FSD2: variants seen among roughly 807,000 people sequenced by gnomAD.
The protein encoded by FSD2 is fibronectin type III and SPRY domain-containing protein 2.
A neutral mutation model predicts 80.4 loss-of-function variants in FSD2; 71 were observed. The observed-to-expected ratio is 0.88, with a 90% confidence interval of 0.73 to 1.08. The LOEUF (loss-of-function observed/expected upper bound fraction) is 1.08. FSD2 is among the 50% of genes least tolerant of loss of function. The probability of loss-of-function intolerance (pLI) is 0.00; values close to 1 mark genes in which losing one functional copy is unlikely to be tolerated. For missense variants in FSD2, 923 were observed against 913.8 expected (o/e 1.01, Z -0.13); for synonymous variants, 361 against 329.5 (o/e 1.10, Z -1.03).
At chr15:82,800,585 G>A (rs910503461) in intron 1 of FSD2, among the ~76,000 whole-genome samples, 14 of 150,456 alleles carry the variant, frequency 9.3e-5, no homozygotes, top group South Asian at 4.2e-4. Context: ...CCAGCTACTC[G>A]GGAGGCTGAG....
chr15:82,759,549 T>A lies in FSD2; in HGVS notation c.2049A>T (p.Thr683=). The A allele has an allele frequency of 6.2e-7, 1 of 1,605,304 alleles. No individual in the cohort carries two copies. The highest frequency in any genetic ancestry group is 8.5e-7 in the Non-Finnish European group (1 of 1,175,136). The change falls in exon 13 of 13, where the codon ACA becomes ACT. Residue 683 remains threonine, a synonymous_variant. Coordinates refer to ENST00000334574, the MANE Select transcript of FSD2 (RefSeq NM_001007122.4). ...GAATGCCAATCTTCTTTGGTGGAAC[T>A]GTTATTCTTATATCTGGAGTTGTTC... ...HNRTTPDIRI[T]VPPKKIGILL...
chr15:82,772,027 C>T, intron 7 of FSD2, 46 bp downstream of exon 7: 1 of 1,500,264 alleles, frequency 6.7e-7, no homozygotes, highest in African/African-American at 1.4e-5. Flanking sequence ...CCTGAGGGGC[C>T]TGAACTGTTC....
chr15:82,782,104 T>TAATAATAAA (rs749972634), intron 4 of FSD2, among the ~76,000 whole-genome samples: 6,252 of 118,552 alleles, frequency 0.053, 220 homozygotes, highest in East Asian at 0.083. Flanking sequence ...ATAATAATAA[T>TAATAATAAA]AAAACTCTTG....
At chr15:82,770,162 G>C (rs2049531071) in intron 7 of FSD2, among the ~76,000 whole-genome samples, 1 of 152,174 alleles carries the variant, frequency 6.6e-6, no homozygotes, top group Non-Finnish European at 1.5e-5. Flanking sequence ...CGTGCACAGG[G>C]GCTAGCCCTC....
intron 3 of FSD2, among the ~76,000 whole-genome samples, chr15:82,784,140 A>C (rs1796233626): frequency 1.3e-5 from 2 of 152,202 alleles, no homozygotes; most frequent in Admixed American, 1.3e-4. Context: ...GCAATAGATG[A>C]ACTTCCCAGT....
chr15:82,796,619 T>C (rs1378559587), intron 1 of FSD2, among the ~76,000 whole-genome samples: 1 of 152,204 alleles, frequency 6.6e-6, no homozygotes, highest in Non-Finnish European at 1.5e-5. Context: ...AAATAATTTG[T>C]TATGCCACAA....
intron 1 of FSD2, among the ~76,000 whole-genome samples, chr15:82,805,652 C>T (rs746229797): frequency 4.6e-5 from 7 of 152,208 alleles, no homozygotes; most frequent in Non-Finnish European, 1.0e-4. Context: ...TATTTCCAAA[C>T]TGTTCTACCA....
intron 6 of FSD2, 34 bp from the exon 7 acceptor site, chr15:82,772,262 C>G: frequency 6.4e-7 from 1 of 1,574,706 alleles, no homozygotes; most frequent in Non-Finnish European, 8.6e-7. Flanking sequence ...AGAGGAACCT[C>G]TAATAGAGGT....
rs2151514775 is a variant in FSD2, at chr15:82,782,982, T to G, written c.779A>C (p.Asn260Thr). Residue 260 changes from asparagine to threonine, a missense_variant, in exon 4 of 13, where the codon AAC (asparagine) becomes ACC (threonine). Physicochemically the swap from Asn to Thr is moderately conservative, Grantham distance 65. Transcript: ENST00000334574. ...TTGAGCAAGTGTTTCCAAGATCTCG[T>G]TGTAATGTGACTCAAAGTTTTGTTC... The part of the protein sequence containing the change: ...KQEQNFESHY[N>T]EILETLAQKY... 1.2e-6 allele frequency: 2 copies of G among 1,613,612 alleles called. No homozygotes were observed. Among genetic ancestry groups the G allele is most frequent in the Non-Finnish European group, 1.7e-6 (2 of 1,179,812 alleles).
intron 1 of FSD2, among the ~76,000 whole-genome samples, chr15:82,790,444 A>G (rs747502500): frequency 1.3e-5 from 2 of 152,112 alleles, no homozygotes. Flanking sequence ...TTCCTCTAAT[A>G]AAATTATTTT....
At chr15:82,791,161 G>C (rs996955064) in intron 1 of FSD2, among the ~76,000 whole-genome samples, 1 of 150,248 alleles carries the variant, frequency 6.7e-6, no homozygotes, top group Non-Finnish European at 1.5e-5. Context: ...ACCATGCCCA[G>C]CTAATTGTTT....
In FSD2 at chr15:82,772,169, G is replaced by C. The variant is rs758413724; in HGVS notation, c.1171C>G (p.Arg391Gly). The C allele has an allele frequency of 1.1e-5, 18 of 1,612,580 alleles. No homozygotes were observed. Among genetic ancestry groups the C allele is most frequent in the Non-Finnish European group, 1.5e-5 (18 of 1,179,398 alleles). The stretch of plus-strand genomic sequence containing the variant: ...TCGGAGTATAAGCTCCAGCACACTC[G>C]GACTGAGGAACCTGTGGCTGAGTTA... ...VPNSATGSSV[R>G]VCWSLYSDDT... The change falls in exon 7 of 13, where the codon CGA becomes GGA. Residue 391 changes from arginine to glycine, a missense_variant. Arg to Gly is a moderately radical substitution (Grantham distance 125). Transcript: ENST00000334574.
At position 82,783,067 on chromosome 15, in the gene FSD2, G is replaced by C. The variant is rs199711968; in HGVS notation, c.736-42C>G. On this transcript the variant is annotated intron_variant, in intron 3 of 12. Transcript: ENST00000334574. ...CTCAGTCATCATTTCAGCGCATGTA[G>C]TGTGTTGATTAGAGTCTTTTGTTTT... 1,637 of 1,373,174 alleles carry C rather than the reference G, an allele frequency of 1.2e-3. 3 individuals are homozygous for C. The highest frequency in any genetic ancestry group is 1.5e-3 in the Non-Finnish European group (1,491 of 974,670). 85.1% of individuals were successfully genotyped at this position (1,373,174 alleles called of 1,614,324 possible). A position where few individuals can be genotyped will look rare whatever the true frequency, so the allele number is the denominator to read the frequency against.
chr15:82,777,341 C>T (rs889981658), intron 6 of FSD2, among the ~76,000 whole-genome samples: 2 of 151,530 alleles, frequency 1.3e-5, no homozygotes, highest in Non-Finnish European at 2.9e-5. Flanking sequence ...GACTAGTATA[C>T]AAAAAAAATA....
chr15:82,780,297 TG>T, intron 4 of FSD2, 30 bp from the exon 5 acceptor site: 1 of 1,433,576 alleles, frequency 7.0e-7, no homozygotes, highest in South Asian at 1.4e-5. Flanking sequence ...AATATTAAGT[TG>T]ATTTTGGAAA....
At chr15:82,793,061 T>TC (rs1596259455) in intron 1 of FSD2, among the ~76,000 whole-genome samples, 2 of 152,218 alleles carry the variant, frequency 1.3e-5, no homozygotes, top group East Asian at 3.8e-4. Context: ...AGCCACCTGG[T>TC]CCTAGACTTT....
chr15:82,775,381 G>C (rs1268314221), intron 6 of FSD2, among the ~76,000 whole-genome samples: 1 of 151,628 alleles, frequency 6.6e-6, no homozygotes, highest in Non-Finnish European at 1.5e-5. Flanking sequence ...CTGGGTGACA[G>C]TGTGAGACTC....
rs147036136 is a variant in FSD2, at chr15:82,783,859, G to T, written c.736-834C>A. ...GGAGGAACAAGGGTTGTGGTCTGGC[G>T]GCACTGCTTACAGATGAGAAGATGC... On this transcript the variant is annotated intron_variant, in intron 3 of 12. Transcript: ENST00000334574. Among the ~76,000 whole-genome samples, 53 of 152,254 alleles carry T rather than the reference G, an allele frequency of 3.5e-4. No individual in the cohort carries two copies. The East Asian group carries it at 0.01, about 29-fold the overall frequency.
chr15:82,768,070 C>T (rs2049465394), intron 9 of FSD2, among the ~76,000 whole-genome samples: 1 of 152,212 alleles, frequency 6.6e-6, no homozygotes, highest in Non-Finnish European at 1.5e-5. Context: ...GTCACTGAGT[C>T]CAACCCTTAT....
Sources: allele counts gnomAD v4.1 joint callset (sites outside exome capture counted in the v4.1 genomes callset), GRCh38; gene constraint gnomAD v4.1.1; transcripts MANE v1.5; gene names NCBI Gene and HGNC (gene_info 2026-07-23, HGNC 2026-07-21).